The following SPATS2 variants were observed in gnomAD, a reference collection of about 807,000 sequenced individuals.
SPATS2 encodes the protein spermatogenesis-associated serine-rich protein 2.
In SPATS2, 38 loss-of-function variants were observed where a neutral mutation model predicts 63.7. The ratio of observed to expected loss-of-function variants is 0.60; its 90% CI spans 0.46 to 0.78. The LOEUF is 0.78. SPATS2 is among the 30% of genes least tolerant of loss of function. The pLI is 0.00. For synonymous variants in SPATS2, 207 were observed against 232.9 expected, an observed-to-expected ratio of 0.89 and a Z score of 1.01; for missense variants, 588 against 666.2, an observed-to-expected ratio of 0.88 and a Z score of 1.29.
intron 8 of SPATS2, 123 bp from the exon 9 acceptor site, chr12:49,499,947 G>T (rs186507317): frequency 2.9e-6 from 2 of 697,814 alleles, no homozygotes; most frequent in African/African-American, 3.7e-5. Flanking sequence ...ATTGGGGAAG[G>T]TGGTTATTTA....
intron 7 of SPATS2, 85 bp from the exon 8 acceptor site, chr12:49,496,748 T>A (rs2137918602): frequency 7.0e-7 from 1 of 1,422,160 alleles, no homozygotes; most frequent in Non-Finnish European, 9.6e-7. Context: ...GCCTCAAACA[T>A]TTTTACCTGT....
At chr12:49,486,874 G>T (rs895585449) in intron 4 of SPATS2, among the ~76,000 whole-genome samples, 2 of 151,660 alleles carry the variant, frequency 1.3e-5, no homozygotes, top group Non-Finnish European at 2.9e-5. Flanking sequence ...AGACTTTTTC[G>T]TGGATGAAAC....
chr12:49,479,398 G>C (rs1486947647), intron 3 of SPATS2, among the ~76,000 whole-genome samples: 2 of 152,222 alleles, frequency 1.3e-5, no homozygotes. Flanking sequence ...AGCAGGTGCC[G>C]ACAACAGGGA....
chr12:49,481,019 A>G (rs1946196726), intron 3 of SPATS2, among the ~76,000 whole-genome samples: 2 of 152,206 alleles, frequency 1.3e-5, no homozygotes, highest in South Asian at 2.1e-4. Flanking sequence ...CTCAGTGCCT[A>G]AAAACAACTT....
At chr12:49,452,139 T>TA (rs1945633987) in intron 2 of SPATS2, among the ~76,000 whole-genome samples, 1 of 152,206 alleles carries the variant, frequency 6.6e-6, no homozygotes. Flanking sequence ...ACTCTGTAGA[T>TA]ACATTTAAAA....
intron 2 of SPATS2, chr12:49,390,030 A>T (rs1290390636): frequency 2.1e-6 from 2 of 950,564 alleles, no homozygotes; most frequent in Non-Finnish European, 3.4e-6. Flanking sequence ...AACTTGAACA[A>T]GAAAACAAAG....
chr12:49,432,104 G>A (rs759482248), intron 2 of SPATS2, among the ~76,000 whole-genome samples: 12 of 152,172 alleles, frequency 7.9e-5, no homozygotes, highest in Non-Finnish European at 1.5e-4. Flanking sequence ...TCACTTAGAT[G>A]TGAGGGGCCT....
At chr12:49,421,759 T>C (rs896584028) in intron 2 of SPATS2, among the ~76,000 whole-genome samples, 4 of 152,216 alleles carry the variant, frequency 2.6e-5, no homozygotes, top group Non-Finnish European at 5.9e-5. Flanking sequence ...GTGGATATTT[T>C]CTGATATTTT....
intron 3 of SPATS2, among the ~76,000 whole-genome samples, chr12:49,466,187 G>C (rs189569861): frequency 1.3e-5 from 2 of 151,332 alleles, no homozygotes; most frequent in East Asian, 3.9e-4. Context: ...TTTTTGAAAC[G>C]GAGTCTCTCT....
chr12:49,501,574 T>G (rs1232016237), intron 9 of SPATS2, among the ~76,000 whole-genome samples: 1 of 152,210 alleles, frequency 6.6e-6, no homozygotes, highest in Non-Finnish European at 1.5e-5. Flanking sequence ...GAAGCTGTTT[T>G]AACTGTTAGA....
chr12:49,391,781 A>G (rs1944423309), intron 2 of SPATS2, among the ~76,000 whole-genome samples: 1 of 152,300 alleles, frequency 6.6e-6, no homozygotes, highest in South Asian at 2.1e-4. Flanking sequence ...ATTTTTATGT[A>G]TAATTTCATA....
chr12:49,509,482 A>G (rs901280762), intron 9 of SPATS2, among the ~76,000 whole-genome samples: 29 of 151,828 alleles, frequency 1.9e-4, no homozygotes, highest in Non-Finnish European at 2.9e-4. Context: ...TTGGCCAGGC[A>G]TCATCTTGAA....
intron 2 of SPATS2, among the ~76,000 whole-genome samples, chr12:49,400,555 T>C (rs966231145): frequency 2.0e-5 from 3 of 151,968 alleles, no homozygotes; most frequent in African/African-American, 7.3e-5. Context: ...GGTGTTCAAG[T>C]GGAGGAGTTG....
At position 49,370,911 on chromosome 12, in the gene SPATS2, G is replaced by A. The variant is rs565826294; in HGVS notation, c.-306-317G>A. On this transcript the variant is annotated intron_variant, in intron 1 of 13. Transcript: ENST00000552918. ...TATTTTTTTGTAGAGTCAGGGTTTC[G>A]CTGTGTTGCCCAGGCTGGTCCCCAA... Among the ~76,000 whole-genome samples, 5 of 152,098 alleles carry A rather than the reference G, an allele frequency of 3.3e-5. No homozygotes were observed. In the South Asian group the frequency reaches 8.3e-4, roughly 25 times the overall value.
At chr12:49,449,457 G>A (rs560951174) in intron 2 of SPATS2, among the ~76,000 whole-genome samples, 5 of 152,146 alleles carry the variant, frequency 3.3e-5, no homozygotes, top group East Asian at 1.9e-4. Context: ...CTGATGATCC[G>A]CCTGCCTCAG....
intron 3 of SPATS2, among the ~76,000 whole-genome samples, chr12:49,472,122 A>G (rs1592432918): frequency 6.6e-6 from 1 of 152,124 alleles, no homozygotes; most frequent in East Asian, 1.9e-4. Flanking sequence ...TGGGTGACAG[A>G]GCAAGACTCT....
At chr12:49,521,626 G>A (rs1946942827) in intron 11 of SPATS2, among the ~76,000 whole-genome samples, 1 of 151,936 alleles carries the variant, frequency 6.6e-6, no homozygotes, top group South Asian at 2.1e-4. Context: ...CTAAGGATCT[G>A]TTTCTCTCCA....
intron 9 of SPATS2, among the ~76,000 whole-genome samples, chr12:49,513,698 A>G (rs142450650): frequency 1.7e-4 from 26 of 152,152 alleles, no homozygotes; most frequent in Admixed American, 7.9e-4. Context: ...TTTGCATTCT[A>G]AGTACTAAAA....
At chr12:49,427,296 A>G (rs57601151) in intron 2 of SPATS2, among the ~76,000 whole-genome samples, 44,971 of 152,110 alleles carry the variant, frequency 0.3, 8,989 homozygotes, top group African/African-American at 0.57. Flanking sequence ...TTAAAAAAGA[A>G]TCTTATGTTG....
Sources: allele counts gnomAD v4.1 joint callset (sites outside exome capture counted in the v4.1 genomes callset), GRCh38; gene constraint gnomAD v4.1.1; transcripts MANE v1.5; gene names NCBI Gene and HGNC (gene_info 2026-07-23, HGNC 2026-07-21).